LIMCH1: variants seen among roughly 807,000 people sequenced by gnomAD.
LIMCH1 encodes the protein LIM and calponin homology domains-containing protein 1.
A neutral mutation model predicts 176.5 loss-of-function variants in LIMCH1; 113 were observed. The ratio of observed to expected loss-of-function variants is 0.64; its 90% CI spans 0.55 to 0.75. LIMCH1 has a LOEUF of 0.75. Ranked by LOEUF, LIMCH1 falls within the 30% of genes least tolerant of loss-of-function variation. The pLI, the probability that LIMCH1 is intolerant of heterozygous loss-of-function variation, is 0.00. For missense variants in LIMCH1, 1,674 were observed against 1,814.9 expected (o/e 0.92, Z 1.41); for synonymous variants, 619 against 645.9 (o/e 0.96, Z 0.63).
intron 7 of LIMCH1, among the ~76,000 whole-genome samples, chr4:41,624,045 T>C (rs1038248002): frequency 1.3e-5 from 2 of 152,194 alleles, no homozygotes; most frequent in Non-Finnish European, 2.9e-5. Flanking sequence ...GAAGCCAAGA[T>C]TTCTGTTTTT....
At chr4:41,630,334 C>G (rs1482934485) in intron 9 of LIMCH1, among the ~76,000 whole-genome samples, 1 of 152,092 alleles carries the variant, frequency 6.6e-6, no homozygotes, top group African/African-American at 2.4e-5. Flanking sequence ...TGGAGCTCAG[C>G]ATATGCAGCA....
intron 1 of LIMCH1, among the ~76,000 whole-genome samples, chr4:41,550,251 A>G (rs1016247520): frequency 6.6e-6 from 1 of 151,252 alleles, no homozygotes; most frequent in Non-Finnish European, 1.5e-5. Context: ...GTGTGTATGT[A>G]TTTTTCCTAT....
At chr4:41,364,333 CTAT>C (rs2052631275) in intron 1 of LIMCH1, among the ~76,000 whole-genome samples, 1 of 151,964 alleles carries the variant, frequency 6.6e-6, no homozygotes, top group South Asian at 2.1e-4. Flanking sequence ...TTTACTACTA[CTAT>C]TATCATTATG....
At chr4:41,414,505 T>C (rs2059755442) in intron 1 of LIMCH1, among the ~76,000 whole-genome samples, 1 of 152,228 alleles carries the variant, frequency 6.6e-6, no homozygotes, top group Admixed American at 6.5e-5. Flanking sequence ...ACTAATCTAA[T>C]GCACTTTGAC....
At chr4:41,671,477 C>T in intron 21 of LIMCH1, 77 bp from the exon 22 acceptor site, 1 of 1,205,068 alleles carries the variant, frequency 8.3e-7, no homozygotes, top group Non-Finnish European at 1.2e-6. Flanking sequence ...CTATACTCCA[C>T]TGATAGGTCA....
intron 31 of LIMCH1, among the ~76,000 whole-genome samples, chr4:41,694,356 G>A (rs1376059534): frequency 6.6e-6 from 1 of 152,176 alleles, no homozygotes; most frequent in Non-Finnish European, 1.5e-5. Context: ...TCTTGGGGTA[G>A]GGGCAGAATA....
chr4:41,621,636 G>A (rs1328101525), intron 7 of LIMCH1, among the ~76,000 whole-genome samples: 7 of 151,928 alleles, frequency 4.6e-5, no homozygotes, highest in Admixed American at 4.6e-4. Context: ...CAAGTAGCTC[G>A]GATTACAAGC....
chr4:41,397,435 T>G (rs1039792176), intron 1 of LIMCH1, among the ~76,000 whole-genome samples: 1 of 151,336 alleles, frequency 6.6e-6, no homozygotes, highest in African/African-American at 2.4e-5. Context: ...CTTCCTGAAG[T>G]TTTTTTTTCA....
At position 41,631,441 on chromosome 4, in the gene LIMCH1, A is replaced by G. The variant is rs757317229; in HGVS notation, c.1565A>G (p.Lys522Arg). 6 of 1,524,004 alleles carry G rather than the reference A, an allele frequency of 3.9e-6. No homozygotes were observed. The South Asian group carries it at 7.3e-5, about 19-fold the overall frequency. The allele number at this position is 1,524,004 out of a possible 1,614,324, so 94.4% of individuals were successfully genotyped here. ...GTCTCAGCGGCCACTTCCAGCTTAA[A>G]GGGCCACCAAATATTTAATCGACAA... ...SPVSAATSSLKGHQIFNRQND... is the reference protein window; with the variant it reads ...SPVSAATSSLRGHQIFNRQND... The change falls in exon 10 of 32, where the codon AAG becomes AGG. Residue 522 changes from lysine (K) to arginine (R), a missense_variant. Lys to Arg is a conservative substitution (Grantham distance 26). This residue lies in a region of LIMCH1 where 655 missense variants were observed against 692.2 expected (regional missense o/e 0.95). Transcript: ENST00000503057.
intron 10 of LIMCH1, among the ~76,000 whole-genome samples, 168 bp downstream of exon 10, chr4:41,631,645 G>T (rs2093332351): frequency 6.6e-6 from 1 of 152,234 alleles, no homozygotes; most frequent in African/African-American, 2.4e-5. Context: ...ACATGTATGT[G>T]AAGTTAAATG....
chr4:41,645,300 C>T (rs2094010878), intron 15 of LIMCH1, among the ~76,000 whole-genome samples: 1 of 152,204 alleles, frequency 6.6e-6, no homozygotes, highest in Admixed American at 6.5e-5. Flanking sequence ...AACTTGACTC[C>T]ACCTTTAGTT....
intron 19 of LIMCH1, 139 bp downstream of exon 19, chr4:41,661,649 C>T (rs2094625068): frequency 1.5e-6 from 1 of 686,414 alleles, no homozygotes; most frequent in Admixed American, 2.8e-5. Context: ...GTGCTGCCAC[C>T]TAGAGGCTTC....
intron 31 of LIMCH1, among the ~76,000 whole-genome samples, chr4:41,694,722 T>G (rs1341518209): frequency 6.6e-6 from 1 of 152,190 alleles, no homozygotes; most frequent in African/African-American, 2.4e-5. Context: ...TGCATATATC[T>G]TGGTGAATAT....
Position 41,633,638 on chromosome 4 carries a change from G to A in LIMCH1, c.1920G>A (p.Leu640=). ...MTAPAWSGSG[L]KGQRKLDDSR... ...CTCCTGCCTGGAGTGGCAGTGGACT[G>A]AAAGGCCAGCGAAAGTTGGATGATT... The change falls in exon 13 of 32, where the codon CTG becomes CTA. Residue 640 remains leucine, a synonymous_variant. Transcript: ENST00000503057. 6.5e-7 allele frequency: 1 copy of A among 1,536,192 alleles called. No homozygotes were observed. Among genetic ancestry groups the A allele is most frequent in the Non-Finnish European group, 8.7e-7 (1 of 1,146,916 alleles).
chr4:41,688,002 C>A, intron 29 of LIMCH1, 85 bp downstream of exon 29: 1 of 1,083,862 alleles, frequency 9.2e-7, no homozygotes, highest in South Asian at 1.3e-5. Context: ...TTAGTGCTTG[C>A]CAAATGATTT....
chr4:41,451,038 T>G (rs552158601), intron 1 of LIMCH1, among the ~76,000 whole-genome samples: 40 of 152,264 alleles, frequency 2.6e-4, no homozygotes, highest in African/African-American at 8.9e-4. Flanking sequence ...TTCTTTAGTC[T>G]TTAGAAATAC....
intron 9 of LIMCH1, 131 bp downstream of exon 9, chr4:41,629,865 T>A: frequency 9.3e-7 from 1 of 1,078,636 alleles, no homozygotes; most frequent in Non-Finnish European, 1.3e-6. Flanking sequence ...TGGAATATAG[T>A]GGCTTGATCA....
At position 41,687,884 on chromosome 4, in the gene LIMCH1, G is replaced by A. The variant is rs1327285957; in HGVS notation, c.4133G>A (p.Cys1378Tyr). The stretch of plus-strand genomic sequence containing the variant: ...TTCCAGGCTGGGCCTTTCTCTCCCT[G>A]TTCTCCCACCCCTCCCGGTCAGTCA... ...EHFQAGPFSP[C>Y]SPTPPGQSPN... Residue 1378 changes from cysteine (C) to tyrosine (Y), a missense_variant, in exon 29 of 32, where the codon TGT (cysteine) becomes TAT (tyrosine). This residue lies in a region of LIMCH1 where 1,015 missense variants were observed against 1,102.5 expected (regional missense o/e 0.92). Coordinates refer to ENST00000503057, the MANE Select transcript of LIMCH1 (RefSeq NM_001330672.2). The A allele has an allele frequency of 6.2e-7, 1 of 1,613,340 alleles. No homozygotes were observed.
At chr4:41,575,104 C>T (rs751240987) in intron 1 of LIMCH1, among the ~76,000 whole-genome samples, 3 of 152,148 alleles carry the variant, frequency 2.0e-5, no homozygotes, top group African/African-American at 7.2e-5. Flanking sequence ...TTGGAAACAA[C>T]CTGTAACCTC....
Sources: gnomAD v4.1 joint callset for allele counts (sites outside exome capture counted in the v4.1 genomes callset) on GRCh38, gnomAD v4.1.1 for gene constraint, gnomAD v4.1.1 regional missense constraint, MANE v1.5 for transcripts, NCBI Gene and HGNC (gene_info 2026-07-23, HGNC 2026-07-21) for gene names.